WEE1: variants seen among roughly 807,000 people sequenced by gnomAD.
The protein encoded by WEE1 is WEE1 G2 checkpoint kinase, also known as wee1-like protein kinase.
Under a neutral mutation model 68.8 loss-of-function variants are expected in WEE1, and 16 were observed. That is an observed-to-expected ratio of 0.23 (90% CI 0.16 to 0.35). WEE1 has a LOEUF of 0.35. WEE1 is among the 10% of genes least tolerant of loss of function. The probability of loss-of-function intolerance (pLI) is 1.00; values close to 1 mark genes in which losing one functional copy is unlikely to be tolerated. For missense variants in WEE1, 651 were observed against 824.1 expected, an observed-to-expected ratio of 0.79 and a Z score of 2.57; for synonymous variants, 349 against 318.7, an observed-to-expected ratio of 1.09 and a Z score of -1.01.
chr11:9,588,163 A>T (rs1425653122), intron 10 of WEE1, among the ~76,000 whole-genome samples: 5 of 152,150 alleles, frequency 3.3e-5, no homozygotes, highest in African/African-American at 1.2e-4. Context: ...TACAGGTGTG[A>T]GTCACCACAT....
intron 6 of WEE1, 150 bp from the exon 7 acceptor site, chr11:9,585,108 G>A (rs991150720): frequency 1.1e-5 from 7 of 641,084 alleles, no homozygotes; most frequent in Non-Finnish European, 1.9e-5. Flanking sequence ...CCTGGTTTCT[G>A]TCCCCTGAGA....
chr11:9,583,443 C>T (rs999827978), intron 6 of WEE1, among the ~76,000 whole-genome samples: 1 of 151,282 alleles, frequency 6.6e-6, no homozygotes, highest in African/African-American at 2.4e-5. Flanking sequence ...GGTGAAACCT[C>T]GTCTCTACTA....
chr11:9,580,991 T>C (rs1849621155), intron 5 of WEE1: 1 of 152,348 alleles, frequency 6.6e-6, no homozygotes, highest in Admixed American at 6.5e-5. Flanking sequence ...AATTCTAGGC[T>C]GTAGTGCCGA....
rs1332995353 is a variant in WEE1 at position 9,573,762 on chromosome 11, C to T, written c.-172C>T. The T allele has an allele frequency of 1.1e-5, 4 of 356,252 alleles. No homozygotes were observed. Among genetic ancestry groups the T allele is most frequent in the Non-Finnish European group, 1.7e-5 (4 of 236,204 alleles). 22.1% of individuals were successfully genotyped at this position (356,252 alleles called of 1,614,324 possible). On this transcript the variant is annotated 5_prime_UTR_variant, in exon 1 of 11. Coordinates refer to ENST00000450114, the MANE Select transcript of WEE1 (RefSeq NM_003390.4). ...CGGAAAGTCCGCGCCGCCGCTGCCG[C>T]CACCGTCCGCAGCCCGAGCGCCCCG... is the stretch of plus-strand genomic sequence containing the variant.
At position 9,576,044 on chromosome 11, in the gene WEE1, C is replaced by T. The variant is rs547746842; in HGVS notation, c.733C>T (p.Leu245Phe). ...TCCTTTTACTCCGGATTCTTTGTTGCTTCATTCCTCAGGACAGTGTCGTCG... is the reference window on the plus strand; with the variant it reads ...TCCTTTTACTCCGGATTCTTTGTTGTTTCATTCCTCAGGACAGTGTCGTCG... The part of the protein sequence containing the change: ...INPFTPDSLL[L>F]HSSGQCRRRK... Residue 245 changes from leucine (L) to phenylalanine (F), a missense_variant, in exon 2 of 11, where the codon CTT becomes TTT. By Grantham distance (22) the Leu-to-Phe change is conservative. Transcript: ENST00000450114. The surrounding 1 kb of genome is among the most constrained non-coding windows in gnomAD (Gnocchi z 4.3). 43 of 1,614,034 alleles carry T rather than the reference C, an allele frequency of 2.7e-5. No homozygotes were observed. Among genetic ancestry groups the T allele is most frequent in the Non-Finnish European group, 3.5e-5 (41 of 1,180,030 alleles).
chr11:9,583,122 G>A (rs930672619), intron 6 of WEE1, among the ~76,000 whole-genome samples: 3 of 151,352 alleles, frequency 2.0e-5, no homozygotes, highest in African/African-American at 7.3e-5. Flanking sequence ...AGACCAGCCT[G>A]GCCAATATGA....
At chr11:9,588,166 C>CACCA (rs1849723804) in intron 10 of WEE1, among the ~76,000 whole-genome samples, 1 of 152,130 alleles carries the variant, frequency 6.6e-6, no homozygotes, top group South Asian at 2.1e-4. Context: ...AGGTGTGAGT[C>CACCA]ACCACATCCA....
rs1162323763 is a variant in WEE1, at chr11:9,576,201, T to C, written c.783-29T>C. 1.9e-6 allele frequency: 3 copies of C among 1,562,578 alleles called. No homozygotes were observed. Among genetic ancestry groups the C allele is most frequent in the Non-Finnish European group, 2.6e-6 (3 of 1,147,696 alleles). Reference sequence around the variant, plus strand: ...ATGGCATGGATGTATCTGTCAGATATATTGATAGAAAAATAACATTTTTTT... The same window carrying C: ...ATGGCATGGATGTATCTGTCAGATACATTGATAGAAAAATAACATTTTTTT... On this transcript the variant is annotated intron_variant, in intron 2 of 10. Coordinates refer to ENST00000450114, the MANE Select transcript of WEE1 (RefSeq NM_003390.4). The surrounding 1 kb of genome is among the most constrained non-coding windows in gnomAD (Gnocchi z 4.3).
Position 9,574,608 on chromosome 11 carries a change from C to A in WEE1, c.576+99C>A. On this transcript the variant is annotated intron_variant, in intron 1 of 10. Coordinates refer to ENST00000450114, the MANE Select transcript of WEE1 (RefSeq NM_003390.4). The surrounding 1 kb of genome is among the most constrained non-coding windows in gnomAD (Gnocchi z 4.9). ...CGGTTACAGAAGCGGCCGGCCGCTC[C>A]CCCCTCGCTTTCCTGCGCCGCCCCC... 1 of 1,121,994 alleles carries A rather than the reference C, an allele frequency of 8.9e-7. No homozygotes were observed. The highest frequency in any genetic ancestry group is 1.1e-6 in the Non-Finnish European group (1 of 918,398). 69.5% of individuals were successfully genotyped at this position (1,121,994 alleles called of 1,614,324 possible). A position where few individuals can be genotyped will look rare whatever the true frequency, so the allele number is the denominator to read the frequency against.
In WEE1 at chr11:9,589,394, A is replaced by T; in HGVS notation, c.*792A>T. ...TACTGGTTTTGTAACTTGTTCTGGT[A>T]ATGTCCTTCCCGGACTCTTTTTAAA... On this transcript the variant is annotated 3_prime_UTR_variant, in exon 11 of 11. Coordinates refer to ENST00000450114, the MANE Select transcript of WEE1 (RefSeq NM_003390.4). The T allele has an allele frequency of 2.6e-5, 26 of 984,926 alleles. No individual in the cohort carries two copies. Among genetic ancestry groups the T allele is most frequent in the Non-Finnish European group, 3.1e-5 (26 of 829,610 alleles). The allele number at this position is 984,926 out of a possible 1,614,324, so 61.0% of individuals were successfully genotyped here.
At chr11:9,581,290 A>G (rs1391240297) in intron 5 of WEE1, 5 of 406,032 alleles carry the variant, frequency 1.2e-5, no homozygotes, top group Non-Finnish European at 1.3e-5. Context: ...AGAAAGAAAC[A>G]GGTGGATTGC....
At chr11:9,578,825 A>G (rs995457603) in intron 5 of WEE1, 1 of 152,154 alleles carries the variant, frequency 6.6e-6, no homozygotes, top group Non-Finnish European at 1.5e-5. Flanking sequence ...CTCTCAGATT[A>G]CAAAAACCTT....
Position 9,573,795 on chromosome 11 carries a change from A to C in WEE1, c.-139A>C. On this transcript the variant is annotated 5_prime_UTR_variant, in exon 1 of 11. Transcript: ENST00000450114. ...CGCAGCCCGAGCGCCCCGGAGCCGCAGGCCGCCGCCGCGCAGAGACGCCGC... is the reference window on the plus strand; with the variant it reads ...CGCAGCCCGAGCGCCCCGGAGCCGCCGGCCGCCGCCGCGCAGAGACGCCGC... The C allele has an allele frequency of 1.5e-6, 1 of 646,766 alleles. No individual in the cohort carries two copies. Among genetic ancestry groups the C allele is most frequent in the South Asian group, 7.1e-5 (1 of 14,168 alleles). 40.1% of individuals were successfully genotyped at this position (646,766 alleles called of 1,614,324 possible).
In WEE1 at chr11:9,586,385, G is replaced by C. The variant is rs1466448080; in HGVS notation, c.1471-64G>C. ...TATTTTTCACCTAAGTCATCTTTGA[G>C]GTGTAATCTTGTTTTATTTTGACCA... is the stretch of plus-strand genomic sequence containing the variant. On this transcript the variant is annotated intron_variant, in intron 8 of 10. Coordinates refer to ENST00000450114, the MANE Select transcript of WEE1 (RefSeq NM_003390.4). The C allele has an allele frequency of 7.6e-6, 11 of 1,444,976 alleles. No homozygotes were observed. In the African/African-American group the frequency reaches 1.4e-4, roughly 19 times the overall value. 89.5% of individuals were successfully genotyped at this position (1,444,976 alleles called of 1,614,324 possible). A position where few individuals can be genotyped will look rare whatever the true frequency, so the allele number is the denominator to read the frequency against.
chr11:9,587,476 C>G (rs1367370595), intron 10 of WEE1, among the ~76,000 whole-genome samples: 1 of 152,192 alleles, frequency 6.6e-6, no homozygotes, highest in African/African-American at 2.4e-5. Context: ...CCCAGACTCT[C>G]ACCAAAAGTT....
chr11:9,583,114 A>G (rs1849646712), intron 6 of WEE1, among the ~76,000 whole-genome samples: 1 of 151,830 alleles, frequency 6.6e-6, no homozygotes, highest in African/African-American at 2.4e-5. Context: ...GGAGTTCGAG[A>G]CCAGCCTGGC....
At position 9,585,546 on chromosome 11, in the gene WEE1, T is replaced by G. The variant is rs759729611; in HGVS notation, c.1470+19T>G. ...ACAGGAGGTAATTTTTCTTCTCCCT[T>G]AATCATAGTTTGCTTTGTAACACTT... On this transcript the variant is annotated intron_variant, in intron 8 of 10. Transcript: ENST00000450114. 1 of 1,552,874 alleles carries G rather than the reference T, an allele frequency of 6.4e-7. No homozygotes were observed. The highest frequency in any genetic ancestry group is 8.7e-7 in the Non-Finnish European group (1 of 1,155,614).
Position 9,574,705 on chromosome 11 carries a change from C to T in WEE1, c.576+196C>T. ...TGAGATTATGTAACTGAACAATGGG[C>T]CTCGTCTGGAACTTCATCTTACAAA... On this transcript the variant is annotated intron_variant, in intron 1 of 10. Coordinates refer to ENST00000450114, the MANE Select transcript of WEE1 (RefSeq NM_003390.4). The surrounding 1 kb of genome is among the most constrained non-coding windows in gnomAD (Gnocchi z 4.9). 1 of 1,078,754 alleles carries T rather than the reference C, an allele frequency of 9.3e-7. No individual in the cohort carries two copies. Among genetic ancestry groups the T allele is most frequent in the Non-Finnish European group, 1.1e-6 (1 of 891,400 alleles). The allele number at this position is 1,078,754 out of a possible 1,614,324, so 66.8% of individuals were successfully genotyped here. A position where few individuals can be genotyped will look rare whatever the true frequency, so the allele number is the denominator to read the frequency against.
At position 9,575,826 on chromosome 11, in the gene WEE1, T is replaced by C. The variant is rs1589976490; in HGVS notation, c.577-62T>C. ...TATGAAAGGCTCGTTGAAGGTTAGG[T>C]TGAGAAGGCTGACTATAGGACTTGG... On this transcript the variant is annotated intron_variant, in intron 1 of 10. Coordinates refer to ENST00000450114, the MANE Select transcript of WEE1 (RefSeq NM_003390.4). The C allele has an allele frequency of 2.7e-6, 4 of 1,487,554 alleles. No homozygotes were observed. The East Asian group carries it at 9.1e-5, about 34-fold the overall frequency. 92.1% of individuals were successfully genotyped at this position (1,487,554 alleles called of 1,614,324 possible). A position where few individuals can be genotyped will look rare whatever the true frequency, so the allele number is the denominator to read the frequency against.
Sources: gnomAD v4.1 joint callset for allele counts (sites outside exome capture counted in the v4.1 genomes callset) on GRCh38, gnomAD v4.1.1 for gene constraint, Gnocchi (gnomAD v3.1) non-coding constraint, MANE v1.5 for transcripts, NCBI Gene and HGNC (gene_info 2026-07-23, HGNC 2026-07-21) for gene names.